TRDN: variants seen among roughly 807,000 people sequenced by gnomAD.
TRDN encodes the protein triadin.
In TRDN, 161 loss-of-function variants were observed where a neutral mutation model predicts 149.7. The ratio of observed to expected loss-of-function variants is 1.08; its 90% CI spans 0.95 to 1.23. TRDN has a LOEUF of 1.23. Among genes scored for constraint, TRDN ranks in the 50% most tolerant of loss-of-function variants. The probability of loss-of-function intolerance (pLI) is 0.00; values close to 1 mark genes in which losing one functional copy is unlikely to be tolerated. For missense variants in TRDN, 896 were observed against 823.5 expected, an observed-to-expected ratio of 1.09 and a Z score of -1.08; for synonymous variants, 294 against 250.5, an observed-to-expected ratio of 1.17 and a Z score of -1.64.
intron 12 of TRDN, among the ~76,000 whole-genome samples, chr6:123,393,908 T>C (rs1772611566): frequency 2.6e-5 from 4 of 152,230 alleles, no homozygotes; most frequent in African/African-American, 7.2e-5. Context: ...CCAAACACTG[T>C]TTTGCCTCAC....
intron 9 of TRDN, among the ~76,000 whole-genome samples, chr6:123,487,512 C>T (rs747417375): frequency 1.1e-4 from 17 of 152,032 alleles, no homozygotes; most frequent in East Asian, 3.9e-4. Flanking sequence ...TTCTCATTTC[C>T]GATCCCATAA....
chr6:123,322,406 T>G (rs914577890), intron 23 of TRDN, among the ~76,000 whole-genome samples: 2 of 152,258 alleles, frequency 1.3e-5, no homozygotes, highest in Non-Finnish European at 2.9e-5. Context: ...TTCCATTTTC[T>G]AATCTTTTGA....
chr6:123,345,227 T>C (rs1780207208), intron 21 of TRDN, among the ~76,000 whole-genome samples: 1 of 152,048 alleles, frequency 6.6e-6, no homozygotes, highest in African/African-American at 2.4e-5. Context: ...GTGGAGGACG[T>C]AAAGACTATT....
intron 37 of TRDN, among the ~76,000 whole-genome samples, chr6:123,253,562 T>G (rs1776453497): frequency 6.6e-6 from 1 of 152,136 alleles, no homozygotes; most frequent in African/African-American, 2.4e-5. Context: ...TCTTTAAAAA[T>G]ACTAGCATTG....
chr6:123,370,059 A>G (rs1447809343), intron 19 of TRDN, among the ~76,000 whole-genome samples: 1 of 152,186 alleles, frequency 6.6e-6, no homozygotes, highest in Non-Finnish European at 1.5e-5. Context: ...GAAAGATATC[A>G]TATAAACAGA....
intron 9 of TRDN, among the ~76,000 whole-genome samples, chr6:123,472,044 A>G (rs1777180370): frequency 6.6e-6 from 1 of 152,244 alleles, no homozygotes; most frequent in Non-Finnish European, 1.5e-5. Context: ...ATAGTCTAAC[A>G]AAGGTCATGC....
chr6:123,453,891 G>C (rs1271652814), intron 10 of TRDN, among the ~76,000 whole-genome samples: 3 of 105,426 alleles, frequency 2.8e-5, no homozygotes, highest in Non-Finnish European at 5.6e-5. Context: ...AGAAACTGTG[G>C]TGTGTGTGTG....
At chr6:123,547,958 C>T (rs1781199670) in intron 3 of TRDN, among the ~76,000 whole-genome samples, 1 of 152,040 alleles carries the variant, frequency 6.6e-6, no homozygotes, top group Admixed American at 6.6e-5. Context: ...TTCTATTCTA[C>T]ACCACCATTT....
At chr6:123,313,263 A>G (rs912523849) in intron 24 of TRDN, among the ~76,000 whole-genome samples, 28 of 152,088 alleles carry the variant, frequency 1.8e-4, no homozygotes, top group Admixed American at 3.9e-4. Flanking sequence ...AATTTTATCC[A>G]CATTCTGAAG....
intron 9 of TRDN, among the ~76,000 whole-genome samples, chr6:123,468,150 C>A (rs1234920848): frequency 6.6e-6 from 1 of 152,052 alleles, no homozygotes; most frequent in Non-Finnish European, 1.5e-5. Flanking sequence ...AAAACAAAAA[C>A]AAAGAAAATT....
At chr6:123,347,599 G>T (rs1412819533) in intron 21 of TRDN, among the ~76,000 whole-genome samples, 1 of 151,912 alleles carries the variant, frequency 6.6e-6, no homozygotes, top group Middle Eastern at 3.2e-3. Flanking sequence ...AATATTTTAA[G>T]GTATTTTCAT....
intron 1 of TRDN, among the ~76,000 whole-genome samples, chr6:123,594,606 T>C (rs1410712616): frequency 7.0e-6 from 1 of 143,568 alleles, no homozygotes; most frequent in Non-Finnish European, 1.5e-5. Context: ...AAAGCATGAA[T>C]GTTACCAAAC....
chr6:123,604,748 G>A (rs1314295381), intron 1 of TRDN, among the ~76,000 whole-genome samples: 3 of 151,984 alleles, frequency 2.0e-5, no homozygotes, highest in African/African-American at 7.2e-5. Flanking sequence ...TGTGTTGGGA[G>A]GGGTAATGAT....
chr6:123,618,706 C>A (rs150082389), intron 1 of TRDN, among the ~76,000 whole-genome samples: 204 of 152,272 alleles, frequency 1.3e-3, no homozygotes, highest in African/African-American at 4.3e-3. Context: ...TGCTCAAAAT[C>A]CATGGCTCAC....
At chr6:123,320,829 A>AT (rs1779216144) in intron 23 of TRDN, among the ~76,000 whole-genome samples, 2 of 151,584 alleles carry the variant, frequency 1.3e-5, no homozygotes, top group South Asian at 4.2e-4. Context: ...AGAGGTTTCT[A>AT]TTTTTTTTCA....
intron 12 of TRDN, among the ~76,000 whole-genome samples, chr6:123,406,388 T>A (rs1333169539): frequency 6.6e-6 from 1 of 152,152 alleles, no homozygotes; most frequent in African/African-American, 2.4e-5. Context: ...CATTACTTTG[T>A]AAGATAGGCC....
intron 4 of TRDN, among the ~76,000 whole-genome samples, chr6:123,533,238 A>AT (rs1036822247): frequency 6.6e-6 from 1 of 151,828 alleles, no homozygotes; most frequent in East Asian, 1.9e-4. Context: ...TTAGAATAAT[A>AT]TTTTTTTTAG....
intron 23 of TRDN, among the ~76,000 whole-genome samples, chr6:123,318,254 T>G (rs1779106738): frequency 1.3e-5 from 2 of 152,038 alleles, no homozygotes; most frequent in South Asian, 4.1e-4. Context: ...GTTTAAACTT[T>G]CAAGCAAATT....
intron 1 of TRDN, among the ~76,000 whole-genome samples, chr6:123,573,833 C>A (rs1358856): frequency 0.55 from 83,161 of 151,760 alleles, 22,891 homozygotes; most frequent in Admixed American, 0.57. Context: ...CTTCAAACAG[C>A]TATGTACACA....
Sources: gnomAD v4.1 joint callset for allele counts (sites outside exome capture counted in the v4.1 genomes callset) on GRCh38, gnomAD v4.1.1 for gene constraint, MANE v1.5 for transcripts, NCBI Gene and HGNC (gene_info 2026-07-23, HGNC 2026-07-21) for gene names.